Variants in NAA60 observed in about 807,000 individuals in gnomAD.
The protein encoded by NAA60 is N-alpha-acetyltransferase 60, NatF catalytic subunit.
Under a neutral mutation model 26.1 loss-of-function variants are expected in NAA60, and 8 were observed. That is an observed-to-expected ratio of 0.31 (90% CI 0.18 to 0.55). NAA60 has a LOEUF of 0.55. Ranked by LOEUF, NAA60 falls within the 20% of genes least tolerant of loss-of-function variation. The pLI is 0.93. For synonymous variants in NAA60, 131 were observed against 122.5 expected (o/e 1.07, Z -0.46); for missense variants, 290 against 311.3 (o/e 0.93, Z 0.51).
chr16:3,466,622 C>A lies in NAA60; in HGVS notation c.-6-9600C>A, dbSNP rs368128460. Reference sequence around the variant, plus strand: ...GGATTTTTCAAGCTAGTAAACCTTGCAGCTGCAAGTGGTGTTTAATTCTTG... The same window carrying A: ...GGATTTTTCAAGCTAGTAAACCTTGAAGCTGCAAGTGGTGTTTAATTCTTG... On this transcript the variant is annotated intron_variant, in intron 2 of 7. Transcript: ENST00000407558. Among the ~76,000 whole-genome samples the A allele has an allele frequency of 5.8e-4, 88 of 152,342 alleles. No homozygotes were observed. The East Asian group carries it at 9.8e-3, about 17-fold the overall frequency.
At chr16:3,459,715 T>C (rs959518935) in intron 2 of NAA60, among the ~76,000 whole-genome samples, 1 of 152,140 alleles carries the variant, frequency 6.6e-6, no homozygotes, top group Non-Finnish European at 1.5e-5. Context: ...AGTCAAGGCA[T>C]GGTCTGGTAT....
Position 3,479,589 on chromosome 16 carries a change from A to G in NAA60, c.229A>G (p.Ile77Val), listed in dbSNP as rs574514372. Residue 77 changes from isoleucine (I) to valine (V), a missense_variant, in exon 4 of 8, where the codon ATA (isoleucine) becomes GTA (valine). Coordinates refer to ENST00000407558, the MANE Select transcript of NAA60 (RefSeq NM_001083601.3). ...IVAEIKNRTK[I>V]HKEDGDILAS... ...AGCTGAAATTAAGAACAGGACCAAA[A>G]TACATAAAGAGGTACGTACGTGTGT... The G allele has an allele frequency of 6.2e-7, 1 of 1,614,020 alleles. No homozygotes were observed. The highest frequency in any genetic ancestry group is 1.3e-5 in the African/African-American group (1 of 75,062).
intron 2 of NAA60, among the ~76,000 whole-genome samples, chr16:3,468,350 G>A (rs1690444): frequency 0.14 from 21,691 of 152,044 alleles, 1,806 homozygotes; most frequent in Non-Finnish European, 0.19. Flanking sequence ...GTTTTCCTTT[G>A]GATTTAGTTC....
At chr16:3,483,955 T>C (rs73489653) in intron 6 of NAA60, among the ~76,000 whole-genome samples, 1,593 of 152,184 alleles carry the variant, frequency 0.01, 30 homozygotes, top group African/African-American at 0.036. Context: ...GGATCCCCTG[T>C]CCTCCCAGAG....
chr16:3,476,969 C>T (rs250628), intron 3 of NAA60, among the ~76,000 whole-genome samples: 1 of 151,666 alleles, frequency 6.6e-6, no homozygotes, highest in East Asian at 1.9e-4. Context: ...TGAACCCAGG[C>T]GGTGGAGGTT....
chr16:3,473,707 T>TTGTTGTTGTTG (rs2036294020), intron 2 of NAA60, among the ~76,000 whole-genome samples: 3 of 145,816 alleles, frequency 2.1e-5, no homozygotes, highest in African/African-American at 8.0e-5. Flanking sequence ...GCCCCAGCTT[T>TTGTTGTTGTTG]TTGTTGTTGT....
chr16:3,479,721 A>T lies in NAA60; in HGVS notation c.240+121A>T, dbSNP rs2036706203. ...CGTCCAAGGAGCCTGTGACCCAAGG[A>T]ATCCAAGTGGCCAACGACACTTGTC... On this transcript the variant is annotated intron_variant, in intron 4 of 7. Coordinates refer to ENST00000407558, the MANE Select transcript of NAA60 (RefSeq NM_001083601.3). The T allele has an allele frequency of 2.6e-6, 3 of 1,175,048 alleles. No individual in the cohort carries two copies. Among genetic ancestry groups the T allele is most frequent in the Non-Finnish European group, 3.6e-6 (3 of 844,320 alleles). The allele number at this position is 1,175,048 out of a possible 1,614,324, so 72.8% of individuals were successfully genotyped here.
At position 3,455,423 on chromosome 16, in the gene NAA60, CTCTG is replaced by C. The variant is rs1278421866; in HGVS notation, c.-7+6890_-7+6893del. ...TTTTTTTTTTTGAGACGGAGTCTCG[CTCTG>C]TCTGTCACCCAGGCTGGAGTGCAGT... is the stretch of plus-strand genomic sequence containing the variant. On this transcript the variant is annotated intron_variant, in intron 2 of 7. Coordinates refer to ENST00000407558, the MANE Select transcript of NAA60 (RefSeq NM_001083601.3). Among the ~76,000 whole-genome samples the C allele has an allele frequency of 1.1e-3, 141 of 129,628 alleles. 1 individual carries two copies. The highest frequency in any genetic ancestry group is 3.9e-3 in the African/African-American group (127 of 32,452). 85.0% of individuals were successfully genotyped at this position (129,628 alleles called of 152,430 possible).
At chr16:3,450,186 C>T in intron 2 of NAA60, 1 of 362,928 alleles carries the variant, frequency 2.8e-6, no homozygotes, top group East Asian at 3.8e-5. Context: ...TTCACTGTCC[C>T]TTGTGCTAGT....
intron 2 of NAA60, among the ~76,000 whole-genome samples, chr16:3,471,905 T>C (rs1016717589): frequency 7.9e-5 from 12 of 152,132 alleles, no homozygotes; most frequent in African/African-American, 2.4e-4. Context: ...AAAGGCTGAA[T>C]CGAGGAACCA....
chr16:3,485,466 G>A lies in NAA60; in HGVS notation c.*207-1G>A, dbSNP rs1230554374. The A allele has an allele frequency of 2.2e-6, 1 of 457,262 alleles. No homozygotes were observed. Among genetic ancestry groups the A allele is most frequent in the Non-Finnish European group, 4.4e-6 (1 of 227,502 alleles). 28.3% of individuals were successfully genotyped at this position (457,262 alleles called of 1,614,324 possible). ...CTGCCCTGCTCTTCTCTTTCCCACA[G>A]GCTCTTCAGCTCCCCTCCCTGCTTC... On this transcript the variant is annotated splice_acceptor_variant, in intron 7 of 7. Coordinates refer to ENST00000407558, the MANE Select transcript of NAA60 (RefSeq NM_001083601.3). LOFTEE classifies it low-confidence loss of function (3UTR_SPLICE).
At position 3,450,924 on chromosome 16, in the gene NAA60, T is replaced by C. The variant is rs562630954; in HGVS notation, c.-7+2384T>C. ...AACAATACTGAACTTTCAAGGCCATTGTAAATTAGAATGTACAGTACAAGC... is the reference window on the plus strand; with the variant it reads ...AACAATACTGAACTTTCAAGGCCATCGTAAATTAGAATGTACAGTACAAGC... On this transcript the variant is annotated intron_variant, in intron 2 of 7. Transcript: ENST00000407558. Among the ~76,000 whole-genome samples the C allele has an allele frequency of 2.6e-5, 4 of 152,294 alleles. No individual in the cohort carries two copies. The South Asian group carries it at 8.3e-4, about 32-fold the overall frequency.
chr16:3,478,658 G>A (rs755491019), intron 3 of NAA60, among the ~76,000 whole-genome samples: 12 of 152,100 alleles, frequency 7.9e-5, no homozygotes, highest in Admixed American at 2.6e-4. Context: ...ATGAGCAGCC[G>A]TTAGCAGCCT....
At chr16:3,452,392 T>C (rs544742024) in intron 2 of NAA60, among the ~76,000 whole-genome samples, 17 of 152,178 alleles carry the variant, frequency 1.1e-4, no homozygotes, top group East Asian at 5.8e-4. Context: ...ATTTTACTTA[T>C]GCCTGTAATC....
At chr16:3,469,757 G>C (rs1019772768) in intron 2 of NAA60, among the ~76,000 whole-genome samples, 3 of 152,228 alleles carry the variant, frequency 2.0e-5, no homozygotes, top group Non-Finnish European at 4.4e-5. Context: ...CAGGGCAATG[G>C]AAGATGAGTA....
rs140133853 is a variant in NAA60, at chr16:3,474,003, A to G, written c.-6-2219A>G. On this transcript the variant is annotated intron_variant, in intron 2 of 7. Coordinates refer to ENST00000407558, the MANE Select transcript of NAA60 (RefSeq NM_001083601.3). ...CCAGCCTTGGCCTTCCAAAGTGCTC[A>G]TATTACAGGCATGAGCCACCATTCC... Among the ~76,000 whole-genome samples, 95 of 151,810 alleles carry G rather than the reference A, an allele frequency of 6.3e-4. 1 individual carries two copies. The East Asian group carries it at 0.018, about 29-fold the overall frequency.
chr16:3,443,878 G>A, intron 1 of NAA60, 41 bp downstream of exon 1: 1 of 1,520,942 alleles, frequency 6.6e-7, no homozygotes, highest in South Asian at 1.2e-5. Context: ...TGAAATTTCG[G>A]TCTGGCCAGA....
chr16:3,470,614 C>T (rs953195363), intron 2 of NAA60, among the ~76,000 whole-genome samples: 1 of 151,480 alleles, frequency 6.6e-6, no homozygotes, highest in African/African-American at 2.4e-5. Flanking sequence ...ACTGGGGAGA[C>T]GGGATGTAGA....
intron 3 of NAA60, among the ~76,000 whole-genome samples, chr16:3,477,312 A>G (rs1323274633): frequency 6.6e-6 from 1 of 152,200 alleles, no homozygotes; most frequent in Non-Finnish European, 1.5e-5. Flanking sequence ...TTTGATGAAA[A>G]AAGTTGACAC....
Sources: gnomAD v4.1 joint callset for allele counts (sites outside exome capture counted in the v4.1 genomes callset) on GRCh38, gnomAD v4.1.1 for gene constraint, MANE v1.5 for transcripts, NCBI Gene and HGNC (gene_info 2026-07-23, HGNC 2026-07-21) for gene names.